Variants in SNTG1 observed in about 807,000 individuals in gnomAD.
SNTG1 encodes gamma-1-syntrophin.
SNTG1 carries 39 observed loss-of-function variants against 74.7 expected under a neutral mutation model. The ratio of observed to expected loss-of-function variants is 0.52; its 90% CI spans 0.40 to 0.68. The LOEUF (loss-of-function observed/expected upper bound fraction) is 0.68. SNTG1 is among the 30% of genes least tolerant of loss of function. SNTG1 has a pLI of 0.00. For missense variants in SNTG1, 685 were observed against 609.5 expected (o/e 1.12, Z -1.30); for synonymous variants, 254 against 217.1 (o/e 1.17, Z -1.49).
At chr8:50,092,683 T>G (rs1341962863) in intron 1 of SNTG1, among the ~76,000 whole-genome samples, 1 of 152,198 alleles carries the variant, frequency 6.6e-6, no homozygotes, top group African/African-American at 2.4e-5. Context: ...TTCATTTTCT[T>G]TCACAGGTAT....
chr8:49,981,715 T>G (rs1812694018), intron 1 of SNTG1, among the ~76,000 whole-genome samples: 1 of 152,194 alleles, frequency 6.6e-6, no homozygotes. Context: ...CTATAATCTT[T>G]TATGCATTTT....
intron 2 of SNTG1, among the ~76,000 whole-genome samples, chr8:50,304,926 G>T (rs901102498): frequency 1.3e-5 from 2 of 152,016 alleles, no homozygotes; most frequent in Non-Finnish European, 2.9e-5. Context: ...TTGAGATGGA[G>T]ACTCACTCTC....
intron 1 of SNTG1, among the ~76,000 whole-genome samples, chr8:50,092,943 A>T (rs1382595272): frequency 2.0e-5 from 3 of 152,172 alleles, no homozygotes; most frequent in Non-Finnish European, 2.9e-5. Context: ...CATTCTATGG[A>T]TTTATCCCAA....
At chr8:50,019,412 A>G (rs996183945) in intron 1 of SNTG1, among the ~76,000 whole-genome samples, 1 of 152,086 alleles carries the variant, frequency 6.6e-6, no homozygotes, top group Non-Finnish European at 1.5e-5. Context: ...TTACCTTAAG[A>G]TGGATAAAGA....
intron 2 of SNTG1, among the ~76,000 whole-genome samples, chr8:50,369,312 A>G (rs1385541687): frequency 6.6e-6 from 1 of 152,306 alleles, no homozygotes; most frequent in African/African-American, 2.4e-5. Context: ...GAAAAGAAAA[A>G]GAGGCTGGGC....
chr8:50,725,800 T>C (rs1238761459), intron 17 of SNTG1, among the ~76,000 whole-genome samples: 1 of 152,206 alleles, frequency 6.6e-6, no homozygotes, highest in African/African-American at 2.4e-5. Context: ...ACCATGTCTA[T>C]TGCATTTTTG....
rs574699589 is a variant in SNTG1 at position 50,795,908 on chromosome 8, G to C, written c.*3079G>C. On this transcript the variant is annotated 3_prime_UTR_variant, in exon 19 of 19. Transcript: ENST00000642720. ...GAGGATAATCAGGTAATTATTTCTT[G>C]CCCATATTTCAGGCATGTACCAACT... is the stretch of plus-strand genomic sequence containing the variant. 2 of 151,958 alleles carry C rather than the reference G, an allele frequency of 1.3e-5. No individual in the cohort carries two copies. Among genetic ancestry groups the C allele is most frequent in the South Asian group, 4.2e-4 (2 of 4,806 alleles). The allele number at this position is 151,958 out of a possible 1,614,324, so 9.4% of individuals were successfully genotyped here.
At chr8:50,109,097 A>C (rs1026337891) in intron 1 of SNTG1, among the ~76,000 whole-genome samples, 1 of 152,186 alleles carries the variant, frequency 6.6e-6, no homozygotes, top group African/African-American at 2.4e-5. Context: ...CAACAGAGAC[A>C]CTTTCCACTC....
intron 17 of SNTG1, among the ~76,000 whole-genome samples, chr8:50,734,898 C>CAT (rs567050985): frequency 1.2e-4 from 16 of 131,274 alleles, no homozygotes; most frequent in African/African-American, 4.0e-4. Flanking sequence ...TATATATGGA[C>CAT]ATATATATAT....
At chr8:50,729,150 C>G (rs6473319) in intron 17 of SNTG1, among the ~76,000 whole-genome samples, 51,063 of 152,022 alleles carry the variant, frequency 0.34, 11,155 homozygotes, top group African/African-American at 0.62. Flanking sequence ...ATGAGATGGA[C>G]ACCTGGGCTG....
chr8:50,732,272 TGC>T (rs2095514681), intron 17 of SNTG1, among the ~76,000 whole-genome samples: 1 of 151,958 alleles, frequency 6.6e-6, no homozygotes, highest in African/African-American at 2.4e-5. Context: ...TTCAAAACCT[TGC>T]ATTTATAGTT....
At chr8:50,034,266 GC>G (rs1817969832) in intron 1 of SNTG1, among the ~76,000 whole-genome samples, 1 of 152,140 alleles carries the variant, frequency 6.6e-6, no homozygotes, top group Admixed American at 6.5e-5. Context: ...TTTAAAACAT[GC>G]AAGAAGGATA....
rs147446455 is a variant in SNTG1 at position 50,310,602 on chromosome 8, C to T, written c.-27-83610C>T. On this transcript the variant is annotated intron_variant, in intron 2 of 18. Transcript: ENST00000642720. ...ACTCGGGAGGCTGAGGCAGGAGAAT[C>T]GCTTGAACCTGGGAGGCAGAGGTTG... Among the ~76,000 whole-genome samples the T allele has an allele frequency of 3.5e-3, 533 of 152,220 alleles. 1 individual carries two copies. Among genetic ancestry groups the T allele is most frequent in the African/African-American group, 0.01 (426 of 41,536 alleles).
intron 1 of SNTG1, among the ~76,000 whole-genome samples, chr8:49,935,544 A>G (rs1808003327): frequency 6.6e-6 from 1 of 151,732 alleles, no homozygotes; most frequent in African/African-American, 2.4e-5. Context: ...AAAAAAGAAA[A>G]AGAAAAAAAA....
chr8:50,051,083 C>T (rs1367131829), intron 1 of SNTG1, among the ~76,000 whole-genome samples: 6 of 151,882 alleles, frequency 4.0e-5, no homozygotes, highest in African/African-American at 1.5e-4. Context: ...AGACTGGGAA[C>T]AAGACAAGGA....
At position 50,180,966 on chromosome 8, in the gene SNTG1, G is replaced by T. The variant is rs570320204; in HGVS notation, c.-28+8331G>T. 1.5e-3 allele frequency among the ~76,000 whole-genome samples: 222 copies of T among 152,096 alleles called. 1 individual carries two copies. Among genetic ancestry groups the T allele is most frequent in the African/African-American group, 5.1e-3 (211 of 41,512 alleles). ...TTTAGTAGAGATGGGGTTTCACCATGTTGGCCAGTCTGGTCTCGAACTCCT... is the reference window on the plus strand; with the variant it reads ...TTTAGTAGAGATGGGGTTTCACCATTTTGGCCAGTCTGGTCTCGAACTCCT... On this transcript the variant is annotated intron_variant, in intron 2 of 18. Coordinates refer to ENST00000642720, the MANE Select transcript of SNTG1 (RefSeq NM_018967.5).
At chr8:50,206,504 A>T (rs948306028) in intron 2 of SNTG1, among the ~76,000 whole-genome samples, 1 of 152,184 alleles carries the variant, frequency 6.6e-6, no homozygotes, top group African/African-American at 2.4e-5. Flanking sequence ...CAATCATGTC[A>T]TCTGCAAACA....
intron 2 of SNTG1, among the ~76,000 whole-genome samples, chr8:50,363,107 T>C (rs991631163): frequency 1.3e-5 from 2 of 152,214 alleles, no homozygotes; most frequent in African/African-American, 4.8e-5. Flanking sequence ...ATGGTCTTTT[T>C]TTCAACCCCA....
chr8:50,065,576 G>C (rs1820833922), intron 1 of SNTG1, among the ~76,000 whole-genome samples: 1 of 151,900 alleles, frequency 6.6e-6, no homozygotes, highest in East Asian at 1.9e-4. Flanking sequence ...GCATCTTATA[G>C]AATACTATAA....
Sources: gnomAD v4.1 joint callset for allele counts (sites outside exome capture counted in the v4.1 genomes callset) on GRCh38, gnomAD v4.1.1 for gene constraint, MANE v1.5 for transcripts, NCBI Gene and HGNC (gene_info 2026-07-23, HGNC 2026-07-21) for gene names.